LRMDA: variants seen among roughly 807,000 people sequenced by gnomAD.
LRMDA encodes the protein leucine-rich melanocyte differentiation-associated protein.
In LRMDA, 18 loss-of-function variants were observed where a neutral mutation model predicts 29.8. The ratio of observed to expected loss-of-function variants is 0.60; its 90% CI spans 0.42 to 0.90. The LOEUF (loss-of-function observed/expected upper bound fraction) is 0.90. LRMDA is among the 40% of genes least tolerant of loss of function. LRMDA has a pLI of 0.00. For synonymous variants in LRMDA, 125 were observed against 109.4 expected (o/e 1.14, Z -0.89); for missense variants, 273 against 273.9 (o/e 1.00, Z 0.02).
chr10:76,195,707 C>T (rs1263558460), intron 5 of LRMDA, among the ~76,000 whole-genome samples: 1 of 152,020 alleles, frequency 6.6e-6, no homozygotes, highest in Non-Finnish European at 1.5e-5. Flanking sequence ...TGAGAGCAGC[C>T]GACATATTGT....
intron 5 of LRMDA, among the ~76,000 whole-genome samples, chr10:76,297,425 C>A (rs1171582148): frequency 6.6e-6 from 1 of 152,150 alleles, no homozygotes; most frequent in Admixed American, 6.5e-5. Context: ...ATACTGACTG[C>A]CCTGTGGATT....
rs151045990 is a variant in LRMDA at position 75,827,720 on chromosome 10, G to A, written c.132-208288G>A. 4.5e-3 allele frequency among the ~76,000 whole-genome samples: 680 copies of A among 152,304 alleles called. 3 individuals are homozygous for A. Among genetic ancestry groups the A allele is most frequent in the Non-Finnish European group, 7.5e-3 (509 of 68,022 alleles). On this transcript the variant is annotated intron_variant, in intron 2 of 6. Coordinates refer to ENST00000611255, the MANE Select transcript of LRMDA (RefSeq NM_001305581.2). ...TTACATCTGTTTTCAATAATTCCTC[G>A]CATATGTTGCAGAATGTACGTTATC...
At chr10:75,557,731 C>A (rs893707498) in intron 2 of LRMDA, among the ~76,000 whole-genome samples, 5 of 152,138 alleles carry the variant, frequency 3.3e-5, no homozygotes, top group Non-Finnish European at 7.3e-5. Flanking sequence ...CCTGCTTTGC[C>A]CAGCTGCGAT....
intron 5 of LRMDA, among the ~76,000 whole-genome samples, chr10:76,218,647 T>C (rs1279297585): frequency 1.3e-5 from 2 of 152,196 alleles, no homozygotes; most frequent in African/African-American, 4.8e-5. Context: ...ATGAGATCTC[T>C]TCTTTGGTCA....
chr10:76,254,914 G>A (rs1852564920), intron 5 of LRMDA, among the ~76,000 whole-genome samples: 1 of 152,046 alleles, frequency 6.6e-6, no homozygotes, highest in South Asian at 2.1e-4. Flanking sequence ...CCTCCTCCTC[G>A]CATTTGGGTT....
intron 6 of LRMDA, among the ~76,000 whole-genome samples, chr10:76,507,762 C>T (rs1842973614): frequency 6.6e-6 from 1 of 152,212 alleles, no homozygotes; most frequent in Admixed American, 6.5e-5. Flanking sequence ...ATCCTTTCCC[C>T]AGTGTATGTT....
chr10:76,308,287 G>A (rs913327004), intron 5 of LRMDA, among the ~76,000 whole-genome samples: 1 of 152,160 alleles, frequency 6.6e-6, no homozygotes, highest in African/African-American at 2.4e-5. Context: ...CTGTAGATAT[G>A]TATGGCAAGT....
intron 2 of LRMDA, among the ~76,000 whole-genome samples, chr10:75,641,612 T>A (rs1841454676): frequency 6.6e-6 from 1 of 151,678 alleles, no homozygotes; most frequent in Admixed American, 6.6e-5. Flanking sequence ...TAAAAAAAAT[T>A]TTTTTTTTGT....
In LRMDA at chr10:75,683,597, G is replaced by T. The variant is rs934936469; in HGVS notation, c.131+245103G>T. 2.0e-5 allele frequency among the ~76,000 whole-genome samples: 3 copies of T among 152,166 alleles called. 1 individual carries two copies. Among genetic ancestry groups the T allele is most frequent in the African/African-American group, 7.2e-5 (3 of 41,452 alleles). ...AAATTAATGGAGAATAAAATATCCTGCACTCAGTATTTGGTGTCAGGCAAG... is the reference window on the plus strand; with the variant it reads ...AAATTAATGGAGAATAAAATATCCTTCACTCAGTATTTGGTGTCAGGCAAG... On this transcript the variant is annotated intron_variant, in intron 2 of 6. Coordinates refer to ENST00000611255, the MANE Select transcript of LRMDA (RefSeq NM_001305581.2).
intron 2 of LRMDA, among the ~76,000 whole-genome samples, chr10:75,498,501 G>T (rs1353550442): frequency 6.6e-6 from 1 of 152,200 alleles, no homozygotes; most frequent in East Asian, 1.9e-4. Context: ...TGTGCATCAA[G>T]TCCCTTGACA....
At chr10:76,481,964 C>T (rs1195141230) in intron 6 of LRMDA, among the ~76,000 whole-genome samples, 1 of 151,912 alleles carries the variant, frequency 6.6e-6, no homozygotes, top group East Asian at 1.9e-4. Flanking sequence ...TTTCAACTGA[C>T]TGTTAGATGT....
At chr10:75,787,150 A>C (rs1843484655) in intron 2 of LRMDA, among the ~76,000 whole-genome samples, 1 of 152,114 alleles carries the variant, frequency 6.6e-6, no homozygotes, top group African/African-American at 2.4e-5. Context: ...GCTCTTCCGC[A>C]TGCTTGGTGG....
chr10:76,278,646 G>A (rs1386910333), intron 5 of LRMDA, among the ~76,000 whole-genome samples: 1 of 152,124 alleles, frequency 6.6e-6, no homozygotes, highest in African/African-American at 2.4e-5. Context: ...AATTCCCCAT[G>A]TTTCTTGTTC....
intron 2 of LRMDA, among the ~76,000 whole-genome samples, chr10:75,892,341 T>TAA (rs1317106771): frequency 1.3e-5 from 2 of 152,174 alleles, no homozygotes; most frequent in African/African-American, 4.8e-5. Flanking sequence ...TCACCTTGAA[T>TAA]TGGCTCAGCC....
At chr10:76,247,685 G>C (rs1313178971) in intron 5 of LRMDA, among the ~76,000 whole-genome samples, 1 of 152,162 alleles carries the variant, frequency 6.6e-6, no homozygotes, top group Non-Finnish European at 1.5e-5. Flanking sequence ...ATCAAGAGTA[G>C]AGTTTCTCTA....
rs74714699 is a variant in LRMDA, at chr10:75,555,502, T to C, written c.131+117008T>C. Among the ~76,000 whole-genome samples the C allele has an allele frequency of 8.4e-3, 1,272 of 152,278 alleles. 17 individuals carry two copies. The highest frequency in any genetic ancestry group is 0.03 in the African/African-American group (1,227 of 41,554). On this transcript the variant is annotated intron_variant, in intron 2 of 6. Transcript: ENST00000611255. Reference sequence around the variant, plus strand: ...AATCTAAGCTGGACTTTGAACTTCATGTGTGGTGCAGATTCCACACTGGCT... The same window carrying C: ...AATCTAAGCTGGACTTTGAACTTCACGTGTGGTGCAGATTCCACACTGGCT...
At chr10:75,632,256 G>GGAAA (rs1449631301) in intron 2 of LRMDA, among the ~76,000 whole-genome samples, 1 of 152,154 alleles carries the variant, frequency 6.6e-6, no homozygotes, top group Non-Finnish European at 1.5e-5. Flanking sequence ...AGATGATTAG[G>GGAAA]GAAAGGTATT....
intron 5 of LRMDA, among the ~76,000 whole-genome samples, chr10:76,241,707 T>C (rs769253385): frequency 1.5e-4 from 23 of 152,128 alleles, no homozygotes; most frequent in Admixed American, 2.6e-4. Flanking sequence ...AGCAGTACAA[T>C]TGGGGAATGC....
chr10:75,870,086 C>A (rs1322826921), intron 2 of LRMDA, among the ~76,000 whole-genome samples: 1 of 152,144 alleles, frequency 6.6e-6, no homozygotes, highest in Non-Finnish European at 1.5e-5. Context: ...CACCTGAAAG[C>A]CACATGTGGC....
Sources: allele counts gnomAD v4.1 joint callset (sites outside exome capture counted in the v4.1 genomes callset), GRCh38; gene constraint gnomAD v4.1.1; transcripts MANE v1.5; gene names NCBI Gene and HGNC (gene_info 2026-07-23, HGNC 2026-07-21).